Variants in ADGRL3 observed in about 807,000 individuals in gnomAD.
ADGRL3 encodes calcium-independent alpha-latrotoxin receptor 3.
Under a neutral mutation model 153.5 loss-of-function variants are expected in ADGRL3, and 62 were observed. The observed-to-expected ratio is 0.40, with a 90% CI of 0.33 to 0.50. ADGRL3 has a LOEUF of 0.50. Ranked by LOEUF, ADGRL3 falls within the 20% of genes least tolerant of loss-of-function variation. The probability of loss-of-function intolerance (pLI) is 0.47; values close to 1 mark genes in which losing one functional copy is unlikely to be tolerated. For synonymous variants in ADGRL3, 710 were observed against 672.5 expected, an observed-to-expected ratio of 1.06 and a Z score of -0.86; for missense variants, 1,641 against 1,859.4, an observed-to-expected ratio of 0.88 and a Z score of 2.16.
At chr4:61,827,704 G>A (rs2097824500) in intron 9 of ADGRL3, among the ~76,000 whole-genome samples, 1 of 152,138 alleles carries the variant, frequency 6.6e-6, no homozygotes, top group Admixed American at 6.6e-5. Flanking sequence ...AGACCTCCTT[G>A]ATTGTTTAGA....
At chr4:61,990,090 G>T (rs115743695) in intron 19 of ADGRL3, among the ~76,000 whole-genome samples, 1 of 151,968 alleles carries the variant, frequency 6.6e-6, no homozygotes, top group Non-Finnish European at 1.5e-5. Context: ...AAACTTGTAT[G>T]CAAGAGTTTA....
chr4:61,866,360 C>A (rs915603336), intron 9 of ADGRL3, among the ~76,000 whole-genome samples: 3 of 152,204 alleles, frequency 2.0e-5, no homozygotes, highest in African/African-American at 7.2e-5. Flanking sequence ...TAGCCCTTCA[C>A]TAACGTAAAT....
At position 61,276,552 on chromosome 4, in the gene ADGRL3, G is replaced by A. The variant is rs113574572; in HGVS notation, c.-240+74787G>A. 4.8e-3 allele frequency among the ~76,000 whole-genome samples: 729 copies of A among 152,190 alleles called. 7 individuals carry two copies. Among genetic ancestry groups the A allele is most frequent in the Non-Finnish European group, 7.1e-3 (485 of 67,984 alleles). ...TACTAAATTGTTTAGTGGGATTTCC[G>A]CAGATGTGTTTAAGGAATCATTTTG... On this transcript the variant is annotated intron_variant, in intron 1 of 26. Transcript: ENST00000683033.
intron 4 of ADGRL3, among the ~76,000 whole-genome samples, chr4:61,580,831 AG>A (rs1374724512): frequency 1.3e-5 from 2 of 152,040 alleles, no homozygotes; most frequent in Non-Finnish European, 2.9e-5. Context: ...GACTGAAGGG[AG>A]GCTGAAGTGG....
chr4:62,007,751 T>C (rs1240852919), intron 21 of ADGRL3, among the ~76,000 whole-genome samples: 1 of 151,860 alleles, frequency 6.6e-6, no homozygotes, highest in Non-Finnish European at 1.5e-5. Flanking sequence ...CCTTGGCCAC[T>C]CCTCAAACCT....
intron 15 of ADGRL3, among the ~76,000 whole-genome samples, chr4:61,938,714 C>T (rs1177795779): frequency 6.6e-6 from 1 of 151,918 alleles, no homozygotes; most frequent in Non-Finnish European, 1.5e-5. Context: ...GCTTCTGCAT[C>T]TGATTGGATG....
chr4:61,205,465 C>A (rs1204356560), intron 1 of ADGRL3, among the ~76,000 whole-genome samples: 2 of 152,094 alleles, frequency 1.3e-5, no homozygotes, highest in Non-Finnish European at 2.9e-5. Context: ...GGCTATTTTG[C>A]CTTCTCTTTC....
intron 2 of ADGRL3, among the ~76,000 whole-genome samples, chr4:61,408,747 A>T (rs1231725643): frequency 2.0e-5 from 3 of 152,150 alleles, no homozygotes. Context: ...CTAAGATTCA[A>T]ATATAAATTG....
At chr4:61,473,665 G>A (rs1017866582) in intron 2 of ADGRL3, among the ~76,000 whole-genome samples, 4 of 151,938 alleles carry the variant, frequency 2.6e-5, no homozygotes, top group Admixed American at 6.6e-5. Flanking sequence ...CACACTAAGA[G>A]CTTAATAAGT....
chr4:61,397,785 C>T (rs527348051), intron 2 of ADGRL3, among the ~76,000 whole-genome samples: 13 of 151,990 alleles, frequency 8.6e-5, no homozygotes, highest in Non-Finnish European at 1.8e-4. Flanking sequence ...CCTCTTATCA[C>T]TAAGAATCAT....
Position 61,273,573 on chromosome 4 carries a change from A to C in ADGRL3, c.-240+71808A>C, listed in dbSNP as rs554465384. ...TCCTAGCCAACGTTAAAAGAAAAAG[A>C]AAAAAGAAGAAGTAGCATTAGAAAA... On this transcript the variant is annotated intron_variant, in intron 1 of 26. Coordinates refer to ENST00000683033, the MANE Select transcript of ADGRL3 (RefSeq NM_001387552.1). Among the ~76,000 whole-genome samples, 303 of 152,066 alleles carry C rather than the reference A, an allele frequency of 2.0e-3. 3 individuals carry two copies. Among genetic ancestry groups the C allele is most frequent in the African/African-American group, 6.9e-3 (284 of 41,336 alleles).
At chr4:62,010,674 G>A (rs768701662) in intron 21 of ADGRL3, among the ~76,000 whole-genome samples, 6 of 138,810 alleles carry the variant, frequency 4.3e-5, no homozygotes, top group Admixed American at 7.8e-5. Context: ...CTATATCTAC[G>A]TAATGAAAAT....
At chr4:62,005,280 T>C (rs962477326) in intron 21 of ADGRL3, among the ~76,000 whole-genome samples, 2 of 152,180 alleles carry the variant, frequency 1.3e-5, no homozygotes, top group Non-Finnish European at 2.9e-5. Flanking sequence ...TTGGCTTTTC[T>C]TTAAAATGCA....
In ADGRL3 at chr4:61,829,830, G is replaced by T. The variant is rs2097849839; in HGVS notation, c.1480+15941G>T. Among the ~76,000 whole-genome samples the T allele has an allele frequency of 2.6e-5, 4 of 152,078 alleles. No homozygotes were observed. The South Asian group carries it at 8.3e-4, about 31-fold the overall frequency. Reference sequence around the variant, plus strand: ...AGGTTTTTGAGAGAGGCACCAGGAGGAATAAAGACAGCCAAGGAACTGGTA... The same window carrying T: ...AGGTTTTTGAGAGAGGCACCAGGAGTAATAAAGACAGCCAAGGAACTGGTA... On this transcript the variant is annotated intron_variant, in intron 9 of 26. Transcript: ENST00000683033.
At chr4:61,743,826 G>A (rs565755529) in intron 8 of ADGRL3, among the ~76,000 whole-genome samples, 5 of 152,184 alleles carry the variant, frequency 3.3e-5, no homozygotes, top group Admixed American at 1.3e-4. Context: ...TGAGGTACCG[G>A]GTTCATCTCA....
At chr4:61,220,294 A>G (rs917345343) in intron 1 of ADGRL3, among the ~76,000 whole-genome samples, 1 of 152,110 alleles carries the variant, frequency 6.6e-6, no homozygotes, top group Non-Finnish European at 1.5e-5. Context: ...TATGATTTAA[A>G]AAGGTAATAG....
intron 19 of ADGRL3, among the ~76,000 whole-genome samples, chr4:61,984,670 C>T (rs1178621581): frequency 6.6e-6 from 1 of 151,994 alleles, no homozygotes; most frequent in East Asian, 1.9e-4. Context: ...ACCATTTGAC[C>T]TCTGCAACAA....
At chr4:62,022,350 G>A (rs977567899) in intron 21 of ADGRL3, among the ~76,000 whole-genome samples, 19 of 152,250 alleles carry the variant, frequency 1.2e-4, no homozygotes, top group African/African-American at 4.1e-4. Flanking sequence ...TTTAAGGAAA[G>A]AAGCCAGCTC....
chr4:61,792,965 G>A (rs893249506), intron 8 of ADGRL3, among the ~76,000 whole-genome samples: 2 of 149,890 alleles, frequency 1.3e-5, no homozygotes, highest in African/African-American at 2.5e-5. Flanking sequence ...ACATACCCGC[G>A]ACTGGGCAAT....
Sources: allele counts gnomAD v4.1 joint callset (sites outside exome capture counted in the v4.1 genomes callset), GRCh38; gene constraint gnomAD v4.1.1; transcripts MANE v1.5; gene names NCBI Gene and HGNC (gene_info 2026-07-23, HGNC 2026-07-21).